The following CFDP1 variants were observed in gnomAD, a reference collection of about 807,000 sequenced individuals.
CFDP1 encodes the protein heterochromatin-stabilizing protein CFDP1.
Under a neutral mutation model 40.1 loss-of-function variants are expected in CFDP1, and 31 were observed. The observed-to-expected ratio is 0.77, with a 90% CI of 0.58 to 1.04. The LOEUF is 1.04. Among genes scored for constraint, CFDP1 ranks in the 50% least tolerant of loss-of-function variants. CFDP1 has a pLI of 0.00. For missense variants in CFDP1, 423 were observed against 343.4 expected (o/e 1.23, Z -1.83); for synonymous variants, 167 against 120.0 (o/e 1.39, Z -2.56).
intron 5 of CFDP1, among the ~76,000 whole-genome samples, chr16:75,345,681 AG>A (rs1173666805): frequency 6.6e-6 from 1 of 152,216 alleles, no homozygotes; most frequent in Non-Finnish European, 1.5e-5. Flanking sequence ...TCTGCAAGAG[AG>A]TTTGGTAATA....
intron 5 of CFDP1, among the ~76,000 whole-genome samples, chr16:75,326,276 A>C (rs770982524): frequency 3.8e-4 from 58 of 152,292 alleles, no homozygotes; most frequent in Admixed American, 1.1e-3. Context: ...GCTAGTTTTA[A>C]AGTCATGTAC....
intron 5 of CFDP1, among the ~76,000 whole-genome samples, chr16:75,349,523 A>G (rs927724608): frequency 6.7e-6 from 1 of 149,722 alleles, no homozygotes; most frequent in Non-Finnish European, 1.5e-5. Context: ...AAAGAAAAAA[A>G]AGAAATATAG....
At chr16:75,300,147 G>A (rs1041618731) in intron 6 of CFDP1, among the ~76,000 whole-genome samples, 1 of 152,228 alleles carries the variant, frequency 6.6e-6, no homozygotes, top group Non-Finnish European at 1.5e-5. Context: ...GAAGCAGGGA[G>A]CGGAGCAGAT....
intron 5 of CFDP1, among the ~76,000 whole-genome samples, chr16:75,379,178 T>C (rs1019866178): frequency 4.0e-5 from 6 of 150,168 alleles, no homozygotes; most frequent in East Asian, 3.9e-4. Flanking sequence ...TTCAAGAATC[T>C]AGTAAAAAAA....
chr16:75,418,798 A>G (rs1453072212), intron 1 of CFDP1, among the ~76,000 whole-genome samples: 1 of 151,282 alleles, frequency 6.6e-6, no homozygotes, highest in Non-Finnish European at 1.5e-5. Context: ...AAACCAGGAC[A>G]TTTTTCTGTG....
intron 5 of CFDP1, among the ~76,000 whole-genome samples, chr16:75,328,387 C>A (rs2078419152): frequency 1.3e-5 from 2 of 148,742 alleles, no homozygotes; most frequent in Non-Finnish European, 3.0e-5. Flanking sequence ...GAGTTCGAGA[C>A]CAGCCTGGCC....
At chr16:75,299,099 C>T (rs2078204209) in intron 6 of CFDP1, among the ~76,000 whole-genome samples, 1 of 152,086 alleles carries the variant, frequency 6.6e-6, no homozygotes, top group Admixed American at 6.5e-5. Context: ...TAATGGGTTA[C>T]AGGACTGCAG....
chr16:75,364,993 G>T (rs532621065), intron 5 of CFDP1, among the ~76,000 whole-genome samples: 1 of 152,302 alleles, frequency 6.6e-6, no homozygotes, highest in African/African-American at 2.4e-5. Flanking sequence ...TGCTGAGAAG[G>T]AAACCAAGTT....
intron 5 of CFDP1, among the ~76,000 whole-genome samples, chr16:75,337,262 G>A (rs1348649662): frequency 6.6e-6 from 1 of 152,176 alleles, no homozygotes; most frequent in South Asian, 2.1e-4. Context: ...AGCGAGGCCC[G>A]GCACAAAGGT....
At chr16:75,390,396 G>A (rs144155624) in intron 5 of CFDP1, among the ~76,000 whole-genome samples, 52 of 152,334 alleles carry the variant, frequency 3.4e-4, no homozygotes, top group Non-Finnish European at 6.6e-4. Flanking sequence ...TCAGTGTAGA[G>A]AGAATCCCCT....
At chr16:75,319,852 A>C (rs1365882299) in intron 5 of CFDP1, among the ~76,000 whole-genome samples, 4 of 152,212 alleles carry the variant, frequency 2.6e-5, no homozygotes, top group Non-Finnish European at 5.9e-5. Flanking sequence ...ATGAGCCCTA[A>C]GTGTCACTTT....
intron 6 of CFDP1, among the ~76,000 whole-genome samples, chr16:75,299,313 T>C (rs949034816): frequency 3.3e-5 from 5 of 151,770 alleles, no homozygotes; most frequent in African/African-American, 1.2e-4. Flanking sequence ...CTTGGCCGGG[T>C]GCAGTGGCTC....
intron 5 of CFDP1, among the ~76,000 whole-genome samples, chr16:75,362,184 C>T (rs952883552): frequency 1.3e-5 from 2 of 152,232 alleles, no homozygotes; most frequent in African/African-American, 4.8e-5. Context: ...GTCTGCCCTA[C>T]AGGCTTCAAG....
chr16:75,429,232 T>C (rs750113284), intron 1 of CFDP1, among the ~76,000 whole-genome samples: 12 of 152,176 alleles, frequency 7.9e-5, no homozygotes, highest in Non-Finnish European at 1.6e-4. Context: ...AATAGCAACA[T>C]GGGAATCTAG....
intron 1 of CFDP1, among the ~76,000 whole-genome samples, chr16:75,431,800 T>C (rs914716841): frequency 1.3e-5 from 2 of 151,998 alleles, no homozygotes; most frequent in African/African-American, 2.4e-5. Flanking sequence ...CTACTATACA[T>C]GGGTTAAATC....
intron 6 of CFDP1, among the ~76,000 whole-genome samples, chr16:75,298,300 CAGG>C (rs2078198341): frequency 6.6e-6 from 1 of 152,194 alleles, no homozygotes; most frequent in African/African-American, 2.4e-5. Flanking sequence ...ACCCACCCTG[CAGG>C]AGGACAGAGG....
intron 5 of CFDP1, among the ~76,000 whole-genome samples, chr16:75,378,235 T>C (rs1225979664): frequency 1.3e-5 from 2 of 151,324 alleles, no homozygotes; most frequent in South Asian, 2.1e-4. Context: ...ATAAAGGAAA[T>C]AGCAGGAATT....
chr16:75,306,528 T>C (rs2078258348), intron 5 of CFDP1: 1 of 152,212 alleles, frequency 6.6e-6, no homozygotes, highest in South Asian at 2.1e-4. Context: ...CACACCCCAG[T>C]ACATGCTGAG....
intron 6 of CFDP1, among the ~76,000 whole-genome samples, chr16:75,296,323 G>C (rs1318165725): frequency 6.6e-6 from 1 of 152,016 alleles, no homozygotes; most frequent in Non-Finnish European, 1.5e-5. Context: ...CTGCAGCCTC[G>C]ACCTCTCAGG....
Sources: allele counts gnomAD v4.1 joint callset (sites outside exome capture counted in the v4.1 genomes callset), GRCh38; gene constraint gnomAD v4.1.1; transcripts MANE v1.5; gene names NCBI Gene and HGNC (gene_info 2026-07-23, HGNC 2026-07-21).